Variants in HLA-DOB observed in about 807,000 individuals in gnomAD.
The protein encoded by HLA-DOB is major histocompatibility complex, class II, DO beta, also known as HLA class II histocompatibility antigen, DO beta chain.
In HLA-DOB, 25 loss-of-function variants were observed where a neutral mutation model predicts 27.7. The observed-to-expected ratio is 0.90, with a 90% CI of 0.66 to 1.26. HLA-DOB has a LOEUF of 1.26. Ranked by LOEUF, HLA-DOB falls within the 50% of genes most tolerant of loss-of-function variation. The probability of loss-of-function intolerance (pLI) is 0.00; values close to 1 mark genes in which losing one functional copy is unlikely to be tolerated. For missense variants in HLA-DOB, 306 were observed against 324.9 expected (o/e 0.94, Z 0.45); for synonymous variants, 137 against 125.6 (o/e 1.09, Z -0.61).
intron 1 of HLA-DOB, 58 bp from the exon 2 acceptor site, chr6:32,815,371 T>C: frequency 6.3e-7 from 1 of 1,596,514 alleles, no homozygotes; most frequent in South Asian, 1.1e-5. Context: ...AACCCATGCC[T>C]GGTAAATTAC....
chr6:32,815,110 G>T lies in HLA-DOB; in HGVS notation c.295C>A (p.Gln99Lys). 1 of 1,614,166 alleles carries T rather than the reference G, an allele frequency of 6.2e-7. No individual in the cohort carries two copies. The highest frequency in any genetic ancestry group is 8.5e-7 in the Non-Finnish European group (1 of 1,180,024). ...TGTCTACAGACCCCATCCACGGCCT[G>T]TCTGCTCCTCTCCAAGAGATCCAGC... The part of the protein sequence containing the change: ...SRLDLLERSR[Q>K]AVDGVCRHNY... Residue 99 changes from glutamine to lysine, a missense_variant, in exon 2 of 6, where the codon CAG (glutamine) becomes AAG (lysine). Gln to Lys is a moderately conservative substitution (Grantham distance 53). Transcript: ENST00000438763.
At chr6:32,815,392 A>G (rs1342326182) in intron 1 of HLA-DOB, 79 bp from the exon 2 acceptor site, 2 of 1,525,460 alleles carry the variant, frequency 1.3e-6, no homozygotes, top group African/African-American at 2.7e-5. Context: ...GTCAGACCAC[A>G]TGGATCTAAG....
rs188898146 is a variant in HLA-DOB, at chr6:32,816,576, G to T, written c.91+285C>A. Among the ~76,000 whole-genome samples, 4 of 152,192 alleles carry T rather than the reference G, an allele frequency of 2.6e-5. No homozygotes were observed. The South Asian group carries it at 8.3e-4, about 32-fold the overall frequency. The stretch of plus-strand genomic sequence containing the variant: ...GAACCCAAGCCAAGGCCTTCAACAC[G>T]CCCAGGCACTGACTGAGGTTGATAC... On this transcript the variant is annotated intron_variant, in intron 1 of 5. Coordinates refer to ENST00000438763, the MANE Select transcript of HLA-DOB (RefSeq NM_002120.4).
Position 32,815,309 on chromosome 6 carries a change from A to G in HLA-DOB, c.96T>C (p.Asp32=), listed in dbSNP as rs7383287. 320,777 of 1,613,526 alleles carry G rather than the reference A, an allele frequency of 0.2. 33,469 individuals carry two copies. Among genetic ancestry groups the G allele is most frequent in the Middle Eastern group, 0.21 (1,302 of 6,060 alleles). ...AGTCAGCCTTTGCCTGAATCACAAA[A>G]TCTTCTGGAAAACCAAAACCAAAAC... is the stretch of plus-strand genomic sequence containing the variant. ...SMTQGTDSPE[D]FVIQAKADCY... is the part of the protein sequence containing the mutation. The change falls in exon 2 of 6, where the codon GAT becomes GAC. Residue 32 remains aspartate (D), a synonymous_variant. Coordinates refer to ENST00000438763, the MANE Select transcript of HLA-DOB (RefSeq NM_002120.4).
chr6:32,813,840 G>C lies in HLA-DOB; in HGVS notation c.644-7C>G. The C allele has an allele frequency of 6.6e-7, 1 of 1,504,254 alleles. No individual in the cohort carries two copies. The highest frequency in any genetic ancestry group is 1.2e-5 in the South Asian group (1 of 83,162). 93.2% of individuals were successfully genotyped at this position (1,504,254 alleles called of 1,614,324 possible). On this transcript the variant is annotated splice_polypyrimidine_tract_variant and splice_region_variant and intron_variant, in intron 3 of 5. Transcript: ENST00000438763. ...GAATATTCAGACTGAGCTCCTATGG[G>C]AAACAGGTCTTTAAATTAGTAAAAA...
At position 32,815,174 on chromosome 6, in the gene HLA-DOB, G is replaced by A. The variant is rs757155412; in HGVS notation, c.231C>T (p.Thr77=). The change falls in exon 2 of 6, where the codon ACC becomes ACT. Residue 77 remains threonine, a synonymous_variant. Coordinates refer to ENST00000438763, the MANE Select transcript of HLA-DOB (RefSeq NM_002120.4). ...DSDVGMFVAL[T]KLGQPDAEQW... Reference sequence around the variant, plus strand: ...GCTCAGCATCTGGCTGCCCCAGCTTGGTCAATGCCACAAACATCCCCACAT... The same window carrying A: ...GCTCAGCATCTGGCTGCCCCAGCTTAGTCAATGCCACAAACATCCCCACAT... The A allele has an allele frequency of 6.2e-7, 1 of 1,614,166 alleles. No homozygotes were observed.
chr6:32,814,566 G>T lies in HLA-DOB; in HGVS notation c.397C>A (p.Pro133Thr). The T allele has an allele frequency of 5.6e-6, 9 of 1,612,968 alleles. No individual in the cohort carries two copies. The highest frequency in any genetic ancestry group is 7.6e-6 in the Non-Finnish European group (9 of 1,179,972). Residue 133 changes from proline (P) to threonine (T), a missense_variant, in exon 3 of 6, where the codon CCA becomes ACA. By Grantham distance (38) the Pro-to-Thr change is conservative. Transcript: ENST00000438763. The part of the protein sequence containing the change: ...PEVTVYPERT[P>T]LLHQHNLLHC... Reference sequence around the variant, plus strand: ...AGCAGATTATGCTGGTGCAGGAGTGGGGTCCTCTCTGGGTACACTGTCACC... The same window carrying T: ...AGCAGATTATGCTGGTGCAGGAGTGTGGTCCTCTCTGGGTACACTGTCACC...
Position 32,813,064 on chromosome 6 carries a change from A to C in HLA-DOB, c.*152T>G. The C allele has an allele frequency of 2.7e-6, 2 of 738,760 alleles. No individual in the cohort carries two copies. Among genetic ancestry groups the C allele is most frequent in the Non-Finnish European group, 4.8e-6 (2 of 413,014 alleles). 45.8% of individuals were successfully genotyped at this position (738,760 alleles called of 1,614,324 possible). A position where few individuals can be genotyped will look rare whatever the true frequency, so the allele number is the denominator to read the frequency against. On this transcript the variant is annotated 3_prime_UTR_variant, in exon 6 of 6. Coordinates refer to ENST00000438763, the MANE Select transcript of HLA-DOB (RefSeq NM_002120.4). Reference sequence around the variant, plus strand: ...GGTGGGAGATGCATGATCTCAGAACACAGAGCTCCAGAATCAGTTCGGGCT... The same window carrying C: ...GGTGGGAGATGCATGATCTCAGAACCCAGAGCTCCAGAATCAGTTCGGGCT...
In HLA-DOB at chr6:32,813,309, C is replaced by T. The variant is rs922017395; in HGVS notation, c.787-58G>A. On this transcript the variant is annotated intron_variant, in intron 5 of 5. Transcript: ENST00000438763. ...AGCCTCACCACCCCCCACAGCCGTT[C>T]CAGAGACTCAGGGGACAGTCCCATC... 67 of 1,603,648 alleles carry T rather than the reference C, an allele frequency of 4.2e-5. 1 individual carries two copies. The Admixed American group carries it at 1.1e-3, about 26-fold the overall frequency.
At chr6:32,813,902 A>G in intron 3 of HLA-DOB, 69 bp from the exon 4 acceptor site, 1 of 948,964 alleles carries the variant, frequency 1.1e-6, no homozygotes, top group Non-Finnish European at 1.7e-6. Context: ...GGAATCCCAG[A>G]ATCTGTACTA....
intron 1 of HLA-DOB, 98 bp downstream of exon 1, chr6:32,816,763 C>A (rs1768034707): frequency 2.1e-6 from 2 of 939,422 alleles, no homozygotes; most frequent in East Asian, 5.0e-5. Context: ...AAAGCCACTT[C>A]CAGTCTGGTC....
intron 1 of HLA-DOB, among the ~76,000 whole-genome samples, chr6:32,815,597 G>T (rs1767985548): frequency 6.6e-6 from 1 of 152,238 alleles, no homozygotes; most frequent in Non-Finnish European, 1.5e-5. Flanking sequence ...CTAGGGAGGG[G>T]AGAGAATGAG....
Position 32,816,923 on chromosome 6 carries a change from A to G in HLA-DOB, c.29T>C (p.Val10Ala), listed in dbSNP as rs1334305449. 1.2e-6 allele frequency: 2 copies of G among 1,613,020 alleles called. No individual in the cohort carries two copies. Among genetic ancestry groups the G allele is most frequent in the Non-Finnish European group, 1.7e-6 (2 of 1,179,952 alleles). The change falls in exon 1 of 6, where the codon GTG (valine) becomes GCG (alanine). Residue 10 changes from valine to alanine, a missense_variant. Transcript: ENST00000438763. ...TCGGGTCAGATTCACTAGCAGAGCC[A>G]CCACCCAGGGGACCCACCCAGAACC... is the stretch of plus-strand genomic sequence containing the variant. The part of the protein sequence containing the change: MGSGWVPWV[V>A]ALLVNLTRLD...
At chr6:32,814,995 CACATGGGGG>C (rs774152139) in intron 2 of HLA-DOB, 40 bp downstream of exon 2, 4 of 1,599,498 alleles carry the variant, frequency 2.5e-6, no homozygotes, top group Non-Finnish European at 3.4e-6. Flanking sequence ...TGGCCAGGTT[CACATGGGGG>C]ACATTCCTGA....
chr6:32,815,160 G>A lies in HLA-DOB; in HGVS notation c.245C>T (p.Pro82Leu). Residue 82 changes from proline (P) to leucine (L), a missense_variant, in exon 2 of 6, where the codon CCA (proline) becomes CTA (leucine). By Grantham distance (98) the Pro-to-Leu change is moderately conservative. Transcript: ENST00000438763. Reference sequence around the variant, plus strand: ...CCGGCTGTTCCACTGCTCAGCATCTGGCTGCCCCAGCTTGGTCAATGCCAC... The same window carrying A: ...CCGGCTGTTCCACTGCTCAGCATCTAGCTGCCCCAGCTTGGTCAATGCCAC... ...MFVALTKLGQPDAEQWNSRLD... is the reference protein window; with the variant it reads ...MFVALTKLGQLDAEQWNSRLD... The A allele has an allele frequency of 6.2e-7, 1 of 1,614,166 alleles. No individual in the cohort carries two copies. The highest frequency in any genetic ancestry group is 8.5e-7 in the Non-Finnish European group (1 of 1,180,032).
rs370413797 is a variant in HLA-DOB at position 32,814,006 on chromosome 6, G to A, written c.644-173C>T. 1.1e-3 allele frequency: 649 copies of A among 615,724 alleles called. 12 individuals are homozygous for A. Among genetic ancestry groups the A allele is most frequent in the South Asian group, 9.4e-3 (460 of 48,694 alleles). 38.1% of individuals were successfully genotyped at this position (615,724 alleles called of 1,614,324 possible). ...GGCACCCATGGAGTTACCCCCCATC[G>A]GTTACAGATTCTCACAGCCCATAAG... On this transcript the variant is annotated intron_variant, in intron 3 of 5. Coordinates refer to ENST00000438763, the MANE Select transcript of HLA-DOB (RefSeq NM_002120.4).
chr6:32,815,017 C>A (rs985170395), intron 2 of HLA-DOB, 27 bp downstream of exon 2: 11 of 1,610,950 alleles, frequency 6.8e-6, no homozygotes, highest in Non-Finnish European at 9.3e-6. Flanking sequence ...ATTCCTGAGC[C>A]CCGCCAGACC....
At chr6:32,815,339 A>G in intron 1 of HLA-DOB, 26 bp from the exon 2 acceptor site, 1 of 1,612,930 alleles carries the variant, frequency 6.2e-7, no homozygotes, top group Non-Finnish European at 8.5e-7. Context: ...CAAAACCATG[A>G]ACCAGCCCCC....
At chr6:32,816,817 A>G (rs1768037212) in intron 1 of HLA-DOB, 44 bp downstream of exon 1, 1 of 1,508,838 alleles carries the variant, frequency 6.6e-7, no homozygotes, top group Non-Finnish European at 9.2e-7. Context: ...CCCCATGCCA[A>G]TTCTTGCATA....
Sources: allele counts gnomAD v4.1 joint callset (sites outside exome capture counted in the v4.1 genomes callset), GRCh38; gene constraint gnomAD v4.1.1; transcripts MANE v1.5; gene names NCBI Gene and HGNC (gene_info 2026-07-23, HGNC 2026-07-21).